CACNA2D4: variants seen among roughly 807,000 people sequenced by gnomAD.
CACNA2D4 encodes the protein voltage-dependent calcium channel subunit alpha-2/delta-4.
In CACNA2D4, 157 loss-of-function variants were observed where a neutral mutation model predicts 163.8. The observed-to-expected ratio is 0.96, with a 90% CI of 0.84 to 1.09. The LOEUF (loss-of-function observed/expected upper bound fraction) is 1.09, where lower values mean the gene tolerates loss of function less well. CACNA2D4 is among the 50% of genes least tolerant of loss of function. The pLI, the probability that CACNA2D4 is intolerant of heterozygous loss-of-function variation, is 0.00. For missense variants in CACNA2D4, 1,410 were observed against 1,479.9 expected, an observed-to-expected ratio of 0.95 and a Z score of 0.78; for synonymous variants, 598 against 586.9, an observed-to-expected ratio of 1.02 and a Z score of -0.27.
intron 18 of CACNA2D4, among the ~76,000 whole-genome samples, chr12:1,866,845 C>A (rs1245801509): frequency 1.3e-5 from 2 of 149,398 alleles, no homozygotes; most frequent in African/African-American, 4.9e-5. Context: ...GTTGTCCAGG[C>A]TGGTCACGAA....
At chr12:1,815,953 G>A (rs768912149) in intron 26 of CACNA2D4, among the ~76,000 whole-genome samples, 1 of 152,194 alleles carries the variant, frequency 6.6e-6, no homozygotes, top group Non-Finnish European at 1.5e-5. Flanking sequence ...GGTGAGGCAC[G>A]GAAATATATT....
Position 1,914,591 on chromosome 12 carries a change from A to G in CACNA2D4, c.309+263T>C, listed in dbSNP as rs75346171. Among the ~76,000 whole-genome samples the G allele has an allele frequency of 2.5e-3, 384 of 152,190 alleles. 4 individuals carry two copies. The highest frequency in any genetic ancestry group is 8.9e-3 in the African/African-American group (368 of 41,528). On this transcript the variant is annotated intron_variant, in intron 2 of 37. Coordinates refer to ENST00000382722, the MANE Select transcript of CACNA2D4 (RefSeq NM_172364.5). ...TTTATTCTTCACCCCACCTCCACCC[A>G]GTACATCTGCAGGTCTAATTCCACC...
chr12:1,849,565 C>T (rs1174247889), intron 23 of CACNA2D4, among the ~76,000 whole-genome samples: 2 of 152,260 alleles, frequency 1.3e-5, no homozygotes, highest in East Asian at 1.9e-4. Flanking sequence ...CTACAGGTTA[C>T]TTTTTAAAAT....
intron 6 of CACNA2D4, among the ~76,000 whole-genome samples, chr12:1,888,086 G>A (rs4765856): frequency 0.15 from 22,720 of 152,102 alleles, 2,331 homozygotes; most frequent in African/African-American, 0.28. Flanking sequence ...AGAGCCATGG[G>A]AGTGTGGTGT....
chr12:1,892,445 C>T (rs115279947), intron 6 of CACNA2D4, among the ~76,000 whole-genome samples: 2 of 152,056 alleles, frequency 1.3e-5, no homozygotes, highest in Non-Finnish European at 2.9e-5. Context: ...CAATATCTAC[C>T]ATGATGAAAA....
intron 19 of CACNA2D4, among the ~76,000 whole-genome samples, chr12:1,859,186 A>C (rs1051346455): frequency 6.6e-6 from 1 of 152,004 alleles, no homozygotes; most frequent in Non-Finnish European, 1.5e-5. Context: ...CCAGCTCTAA[A>C]ATTTTTTTTT....
chr12:1,878,975 T>A lies in CACNA2D4; in HGVS notation c.1625A>T (p.Lys542Met), dbSNP rs558588886. 1.9e-6 allele frequency: 3 copies of A among 1,613,840 alleles called. No homozygotes were observed. The South Asian group carries it at 3.3e-5, about 18-fold the overall frequency. Residue 542 changes from lysine (K) to methionine (M), a missense_variant, in exon 15 of 38, where the codon AAG becomes ATG. Transcript: ENST00000382722. This position sits in a 1 kb window ranked among gnomAD's most constrained non-coding sequence, Gnocchi z 4.6. The part of the protein sequence containing the change: ...GSDVALRELM[K>M]LAPRYKLGVH... ...GCTCACCTTGTACCGGGGCGCCAGC[T>A]TCATCAGCTCTCTCAGGGCCACATC... is the stretch of plus-strand genomic sequence containing the variant.
chr12:1,830,409 C>T (rs2154447065), intron 26 of CACNA2D4, among the ~76,000 whole-genome samples: 1 of 152,368 alleles, frequency 6.6e-6, no homozygotes, highest in East Asian at 1.9e-4. Flanking sequence ...ATACACAGCT[C>T]CAGAGTTGGG....
intron 29 of CACNA2D4, among the ~76,000 whole-genome samples, chr12:1,805,565 C>G (rs921431863): frequency 6.6e-6 from 1 of 152,222 alleles, no homozygotes; most frequent in African/African-American, 2.4e-5. Context: ...GCCCCTCCGT[C>G]CTCCAGGCTG....
chr12:1,818,093 A>G (rs1350038850), intron 26 of CACNA2D4, among the ~76,000 whole-genome samples: 5 of 132,654 alleles, frequency 3.8e-5, no homozygotes, highest in Non-Finnish European at 3.2e-5. Flanking sequence ...CCTCTGCCCC[A>G]CCGCCCCGTC....
intron 23 of CACNA2D4, among the ~76,000 whole-genome samples, chr12:1,852,207 T>G (rs1362142571): frequency 1.3e-5 from 2 of 152,210 alleles, no homozygotes; most frequent in African/African-American, 4.8e-5. Flanking sequence ...CAATTCTAAT[T>G]GCCTCTGCTT....
chr12:1,873,225 G>A (rs1261047568), intron 18 of CACNA2D4, among the ~76,000 whole-genome samples: 1 of 152,124 alleles, frequency 6.6e-6, no homozygotes, highest in Non-Finnish European at 1.5e-5. Flanking sequence ...GCCATGGAAC[G>A]TCCATTATGG....
chr12:1,882,973 G>C lies in CACNA2D4; in HGVS notation c.1379C>G (p.Ala460Gly). 1 of 1,612,812 alleles carries C rather than the reference G, an allele frequency of 6.2e-7. No homozygotes were observed. Among genetic ancestry groups the C allele is most frequent in the Non-Finnish European group, 8.5e-7 (1 of 1,179,442 alleles). ...KGYYTQISTLADTQENVMEYL... is the reference protein window; with the variant it reads ...KGYYTQISTLGDTQENVMEYL... Reference sequence around the variant, plus strand: ...TTCCATCACGTTCTCCTGGGTGTCCGCCAGCGTTGAGATCTGCGTGTAGTA... The same window carrying C: ...TTCCATCACGTTCTCCTGGGTGTCCCCCAGCGTTGAGATCTGCGTGTAGTA... Residue 460 changes from alanine (A) to glycine (G), a missense_variant, in exon 13 of 38, where the codon GCG becomes GGG. By Grantham distance (60) the Ala-to-Gly change is moderately conservative. Transcript: ENST00000382722.
At chr12:1,808,750 G>C (rs1863619560) in intron 29 of CACNA2D4, among the ~76,000 whole-genome samples, 1 of 152,200 alleles carries the variant, frequency 6.6e-6, no homozygotes, top group African/African-American at 2.4e-5. Flanking sequence ...AGGGCGAGAG[G>C]GGTCGGAGCA....
intron 1 of CACNA2D4, 97 bp downstream of exon 1, chr12:1,918,150 G>A: frequency 1.2e-6 from 1 of 863,004 alleles, no homozygotes; most frequent in Non-Finnish European, 1.9e-6. Flanking sequence ...AGGGAGGGCA[G>A]GGGCGGGAGG....
intron 35 of CACNA2D4, among the ~76,000 whole-genome samples, chr12:1,796,797 G>A (rs1863141659): frequency 6.6e-6 from 1 of 152,306 alleles, no homozygotes; most frequent in South Asian, 2.1e-4. Flanking sequence ...CATTCCCAGC[G>A]TGGGGGTCCT....
intron 18 of CACNA2D4, among the ~76,000 whole-genome samples, chr12:1,871,572 C>CTG (rs1565721443): frequency 1.4e-5 from 2 of 146,886 alleles, no homozygotes; most frequent in East Asian, 4.1e-4. Context: ...GGTGTGTGTA[C>CTG]GTGTGTGTTG....
chr12:1,853,001 A>G (rs1865319527), intron 23 of CACNA2D4, among the ~76,000 whole-genome samples: 1 of 152,144 alleles, frequency 6.6e-6, no homozygotes, highest in African/African-American at 2.4e-5. Context: ...TGCCTGGCCC[A>G]CTAGATTGTT....
Position 1,871,630 on chromosome 12 carries a change from C to T in CACNA2D4, c.1878+2974G>A, listed in dbSNP as rs1865787246. 2.7e-5 allele frequency among the ~76,000 whole-genome samples: 4 copies of T among 145,896 alleles called. No homozygotes were observed. The South Asian group carries it at 8.8e-4, about 32-fold the overall frequency. ...TATGCCGCTCGTGTGTGCATGTGTACACGCGTGTTACTGGTGTGTGTACAC... is the reference window on the plus strand; with the variant it reads ...TATGCCGCTCGTGTGTGCATGTGTATACGCGTGTTACTGGTGTGTGTACAC... On this transcript the variant is annotated intron_variant, in intron 18 of 37. Transcript: ENST00000382722.
Sources: allele counts gnomAD v4.1 joint callset (sites outside exome capture counted in the v4.1 genomes callset), GRCh38; gene constraint gnomAD v4.1.1; non-coding constraint Gnocchi (gnomAD v3.1); transcripts MANE v1.5; gene names NCBI Gene and HGNC (gene_info 2026-07-23, HGNC 2026-07-21).